Variants in PCLO observed in about 807,000 individuals in gnomAD.
PCLO encodes piccolo presynaptic cytomatrix protein, also known as protein piccolo.
PCLO carries 82 observed loss-of-function variants against 427.5 expected under a neutral mutation model. The ratio of observed to expected loss-of-function variants is 0.19; its 90% CI spans 0.16 to 0.23. PCLO has a LOEUF of 0.23. PCLO is among the 10% of genes least tolerant of loss of function. The pLI, the probability that PCLO is intolerant of heterozygous loss-of-function variation, is 1.00. For missense variants in PCLO, 6,239 were observed against 6,115.9 expected, an observed-to-expected ratio of 1.02 and a Z score of -0.67; for synonymous variants, 2,357 against 2,155.4, an observed-to-expected ratio of 1.09 and a Z score of -2.59.
rs376928297 is a variant in PCLO, at chr7:82,822,614, C to T, written c.14672G>A (p.Arg4891His). Residue 4891 changes from arginine to histidine, a missense_variant, in exon 20 of 25, where the codon CGT becomes CAT. By Grantham distance (29) the Arg-to-His change is conservative. Coordinates refer to ENST00000333891, the MANE Select transcript of PCLO (RefSeq NM_033026.6). ...SSKSSSEGHL[R>H]SHGPSRSQSK... Reference sequence around the variant, plus strand: ...TTGACTGCGAGATGGTCCATGAGAACGGAGATGGCCTTCTGATGATGATTT... The same window carrying T: ...TTGACTGCGAGATGGTCCATGAGAATGGAGATGGCCTTCTGATGATGATTT... 10 of 1,613,646 alleles carry T rather than the reference C, an allele frequency of 6.2e-6. No individual in the cohort carries two copies. Among genetic ancestry groups the T allele is most frequent in the East Asian group, 2.2e-5 (1 of 44,844 alleles).
In PCLO at chr7:82,953,062, T is replaced by C. The variant is rs746336068; in HGVS notation, c.7891A>G (p.Ile2631Val). The C allele has an allele frequency of 6.2e-7, 1 of 1,613,962 alleles. No individual in the cohort carries two copies. The highest frequency in any genetic ancestry group is 1.7e-5 in the Admixed American group (1 of 60,022). ...AAGGTCTGTTCTGAAGAAATTGGAA[T>C]TTCTACAGCTGTCACAGGAGGAACT... is the stretch of plus-strand genomic sequence containing the variant. ...SVVPPVTAVE[I>V]PISSEQTFYI... Residue 2631 changes from isoleucine (I) to valine (V), a missense_variant, in exon 5 of 25, where the codon ATT (isoleucine) becomes GTT (valine). Ile to Val is a conservative substitution (Grantham distance 29). This residue lies in a region of PCLO where 4,677 missense variants were observed against 4,468.4 expected (regional missense o/e 1.05). Coordinates refer to ENST00000333891, the MANE Select transcript of PCLO (RefSeq NM_033026.6).
intron 9 of PCLO, among the ~76,000 whole-genome samples, chr7:82,888,027 G>A (rs555645070): frequency 1.3e-5 from 2 of 151,510 alleles, no homozygotes; most frequent in East Asian, 1.9e-4. Context: ...CTGAGATTGC[G>A]CCACTGCACT....
At chr7:82,764,453 A>T (rs1022025297) in intron 22 of PCLO, among the ~76,000 whole-genome samples, 2 of 151,984 alleles carry the variant, frequency 1.3e-5, no homozygotes, top group Non-Finnish European at 2.9e-5. Flanking sequence ...CATATCTATT[A>T]TATCACTAAA....
In PCLO at chr7:83,134,242, T is replaced by TATATATATATATATATATA. The variant is rs746054139; in HGVS notation, c.3300+7_3300+8insTATATATATATATATATAT. On this transcript the variant is annotated splice_region_variant and intron_variant, in intron 3 of 24. Transcript: ENST00000333891. ...TAATATATATATATATATATATATA[T>TATATATATATATATATATA]AACTTACCTCAGTCAAATGTGGTGT... The TATATATATATATATATATA allele has an allele frequency of 2.8e-6, 3 of 1,069,104 alleles. No homozygotes were observed. Among genetic ancestry groups the TATATATATATATATATATA allele is most frequent in the Non-Finnish European group, 3.9e-6 (3 of 760,590 alleles). 66.2% of individuals were successfully genotyped at this position (1,069,104 alleles called of 1,614,324 possible).
At chr7:82,940,107 T>C (rs1795044706) in intron 6 of PCLO, among the ~76,000 whole-genome samples, 1 of 152,202 alleles carries the variant, frequency 6.6e-6, no homozygotes, top group Non-Finnish European at 1.5e-5. Context: ...AATGGATGTA[T>C]AAATGAATGG....
chr7:83,031,594 A>T (rs1490612037), intron 3 of PCLO, among the ~76,000 whole-genome samples: 1 of 152,200 alleles, frequency 6.6e-6, no homozygotes, highest in Admixed American at 6.5e-5. Flanking sequence ...ATGGAAAGAC[A>T]TTCAGAACAG....
chr7:82,762,840 C>G (rs1223122838), intron 22 of PCLO, among the ~76,000 whole-genome samples: 1 of 151,942 alleles, frequency 6.6e-6, no homozygotes, highest in East Asian at 1.9e-4. Flanking sequence ...TGGAGTCTTG[C>G]TATGTTGCCT....
chr7:82,985,471 A>T (rs528826096), intron 3 of PCLO, among the ~76,000 whole-genome samples: 1 of 152,184 alleles, frequency 6.6e-6, no homozygotes, highest in African/African-American at 2.4e-5. Context: ...ATATTTAGCC[A>T]AAGTGGGGTT....
rs144129874 is a variant in PCLO, at chr7:82,963,879, G to A, written c.4017+1892C>T. Among the ~76,000 whole-genome samples, 29 of 151,928 alleles carry A rather than the reference G, an allele frequency of 1.9e-4. No homozygotes were observed. In the East Asian group the frequency reaches 3.9e-3, roughly 20 times the overall value. ...TTATAAATACATATACACATATTGA[G>A]GTTGTATAACGAAAGAAAAAGTATA... On this transcript the variant is annotated intron_variant, in intron 4 of 24. Coordinates refer to ENST00000333891, the MANE Select transcript of PCLO (RefSeq NM_033026.6).
intron 3 of PCLO, among the ~76,000 whole-genome samples, chr7:82,989,855 T>A (rs554183520): frequency 6.6e-6 from 1 of 152,290 alleles, no homozygotes; most frequent in East Asian, 1.9e-4. Flanking sequence ...TTGAATCTGG[T>A]AGTCTCTCAA....
chr7:82,809,869 T>A (rs2115562463), intron 20 of PCLO, among the ~76,000 whole-genome samples: 1 of 151,708 alleles, frequency 6.6e-6, no homozygotes, highest in Non-Finnish European at 1.5e-5. Context: ...CAACTATATT[T>A]TTTAACCCCA....
chr7:83,162,380 G>A lies in PCLO; in HGVS notation c.213C>T (p.Val71=), dbSNP rs1374143990. Residue 71 remains valine (V), a synonymous_variant, in exon 1 of 25, where the codon GTC becomes GTT. Transcript: ENST00000333891. ...AAGGCGACTCCGCAGCGGCCGGGGG[G>A]ACGCTTCCCTTGGGCAGCCCCTGCG... The part of the protein sequence containing the change: ...SRAQGLPKGS[V]PPAAAESPSM... 3.7e-6 allele frequency: 6 copies of A among 1,600,384 alleles called. No individual in the cohort carries two copies. The highest frequency in any genetic ancestry group is 2.3e-5 in the South Asian group (2 of 88,760).
At chr7:82,820,552 C>T in intron 20 of PCLO, 1 of 1,225,734 alleles carries the variant, frequency 8.2e-7, no homozygotes, top group Non-Finnish European at 1.0e-6. Context: ...ATCTGATACA[C>T]TTAACAACTA....
intron 16 of PCLO, among the ~76,000 whole-genome samples, chr7:82,829,997 A>G (rs1055220650): frequency 3.3e-5 from 5 of 151,978 alleles, no homozygotes; most frequent in South Asian, 4.2e-4. Context: ...ATAAACATAA[A>G]ATCATGTGAA....
At chr7:83,093,492 A>ATATATTTTTTTTTT in intron 3 of PCLO, among the ~76,000 whole-genome samples, 1 of 59,322 alleles carries the variant, frequency 1.7e-5, no homozygotes, top group African/African-American at 5.4e-5. Flanking sequence ...ATATATATAT[A>ATATATTTTTTTTTT]TTTTTTTTTT....
At chr7:82,916,969 G>T in intron 6 of PCLO, 96 bp from the exon 7 acceptor site, 1 of 834,328 alleles carries the variant, frequency 1.2e-6, no homozygotes, top group Non-Finnish European at 1.8e-6. Context: ...ATGATTTCAT[G>T]TATGATTTTG....
intron 9 of PCLO, among the ~76,000 whole-genome samples, chr7:82,889,095 T>C (rs1426084428): frequency 6.6e-6 from 1 of 152,042 alleles, no homozygotes; most frequent in Non-Finnish European, 1.5e-5. Flanking sequence ...CTGTAGGACC[T>C]AGGGGCGCTC....
At chr7:83,051,040 A>G (rs1789241443) in intron 3 of PCLO, among the ~76,000 whole-genome samples, 1 of 152,166 alleles carries the variant, frequency 6.6e-6, no homozygotes, top group South Asian at 2.1e-4. Context: ...CTCTCAGCAA[A>G]TTAGGAATAG....
intron 2 of PCLO, among the ~76,000 whole-genome samples, chr7:83,139,579 G>C (rs1261526345): frequency 6.6e-6 from 1 of 152,284 alleles, no homozygotes; most frequent in East Asian, 1.9e-4. Context: ...AGATAGTTAG[G>C]AGAGTTAGTA....
Sources: allele counts gnomAD v4.1 joint callset (sites outside exome capture counted in the v4.1 genomes callset), GRCh38; gene constraint gnomAD v4.1.1; regional missense constraint gnomAD v4.1.1; transcripts MANE v1.5; gene names NCBI Gene and HGNC (gene_info 2026-07-23, HGNC 2026-07-21).